The following HECW2 variants were observed in gnomAD, a reference collection of about 807,000 sequenced individuals.
HECW2 encodes HECT, C2 and WW domain containing E3 ubiquitin protein ligase 2.
In HECW2, 61 loss-of-function variants were observed where a neutral mutation model predicts 175.2. That is an observed-to-expected ratio of 0.35 (90% CI 0.28 to 0.43). The LOEUF (loss-of-function observed/expected upper bound fraction) is 0.43. HECW2 is among the 20% of genes least tolerant of loss of function. The pLI, the probability that HECW2 is intolerant of heterozygous loss-of-function variation, is 1.00. For synonymous variants in HECW2, 671 were observed against 731.0 expected, an observed-to-expected ratio of 0.92 and a Z score of 1.32; for missense variants, 1,524 against 2,000.5, an observed-to-expected ratio of 0.76 and a Z score of 4.54.
intron 2 of HECW2, among the ~76,000 whole-genome samples, chr2:196,384,489 G>A (rs1408101392): frequency 6.6e-6 from 1 of 152,096 alleles, no homozygotes; most frequent in Non-Finnish European, 1.5e-5. Flanking sequence ...GGCTGAAGTG[G>A]GAGGATCACT....
At position 196,531,839 on chromosome 2, in the gene HECW2, T is replaced by C. The variant is rs1688850901; in HGVS notation, c.-36+61669A>G. On this transcript the variant is annotated intron_variant, in intron 1 of 28. Transcript: ENST00000644978. Reference sequence around the variant, plus strand: ...ATTGTCTTCTTAGAGAGACTCTCCCTAATCTTGAAGGTCCATTAGATCCCT... The same window carrying C: ...ATTGTCTTCTTAGAGAGACTCTCCCCAATCTTGAAGGTCCATTAGATCCCT... 2.6e-5 allele frequency among the ~76,000 whole-genome samples: 4 copies of C among 152,332 alleles called. No individual in the cohort carries two copies. In the South Asian group the frequency reaches 8.3e-4, roughly 32 times the overall value.
intron 1 of HECW2, among the ~76,000 whole-genome samples, chr2:196,559,386 C>A (rs547282297): frequency 2.6e-5 from 4 of 152,202 alleles, no homozygotes; most frequent in Non-Finnish European, 5.9e-5. Context: ...TCCTTCATCA[C>A]CCCCAATATA....
chr2:196,431,823 C>A (rs1695722123), intron 2 of HECW2, among the ~76,000 whole-genome samples: 1 of 152,174 alleles, frequency 6.6e-6, no homozygotes, highest in Non-Finnish European at 1.5e-5. Flanking sequence ...TTCATTAAAG[C>A]TTTGCCCAGT....
At chr2:196,260,860 A>G (rs574562841) in intron 17 of HECW2, among the ~76,000 whole-genome samples, 1 of 152,264 alleles carries the variant, frequency 6.6e-6, no homozygotes, top group East Asian at 1.9e-4. Context: ...ATTTGCATAC[A>G]TAAGCTCAAG....
intron 13 of HECW2, among the ~76,000 whole-genome samples, chr2:196,298,950 T>C (rs1394533483): frequency 6.6e-6 from 1 of 152,214 alleles, no homozygotes; most frequent in African/African-American, 2.4e-5. Context: ...TTTATAACAT[T>C]TTCTGTTAAT....
At chr2:196,238,424 T>C (rs1051333038) in intron 21 of HECW2, 7 of 146,378 alleles carry the variant, frequency 4.8e-5, no homozygotes, top group Admixed American at 2.8e-4. Flanking sequence ...CTTACTTTTA[T>C]GTAGCTCAAG....
chr2:196,413,052 AT>A (rs1320024975), intron 2 of HECW2, among the ~76,000 whole-genome samples: 1 of 152,182 alleles, frequency 6.6e-6, no homozygotes, highest in Non-Finnish European at 1.5e-5. Context: ...TATATGAAAT[AT>A]GAAATAACAT....
chr2:196,532,750 C>T (rs929606093), intron 1 of HECW2, among the ~76,000 whole-genome samples: 1 of 151,982 alleles, frequency 6.6e-6, no homozygotes, highest in African/African-American at 2.4e-5. Context: ...TATCAACTAC[C>T]TTGCTATCAT....
At chr2:196,418,615 A>G (rs1695323755) in intron 2 of HECW2, among the ~76,000 whole-genome samples, 1 of 152,218 alleles carries the variant, frequency 6.6e-6, no homozygotes, top group Non-Finnish European at 1.5e-5. Flanking sequence ...ACAGATGCAC[A>G]TTTTCGGAAA....
intron 14 of HECW2, among the ~76,000 whole-genome samples, chr2:196,287,849 A>G (rs528575563): frequency 6.6e-6 from 1 of 152,292 alleles, no homozygotes; most frequent in African/African-American, 2.4e-5. Context: ...ATCTCTTTTA[A>G]CCAAACTTCA....
intron 2 of HECW2, among the ~76,000 whole-genome samples, chr2:196,431,968 AC>A (rs1225340042): frequency 6.6e-6 from 1 of 152,240 alleles, no homozygotes; most frequent in African/African-American, 2.4e-5. Flanking sequence ...TAACAATCTA[AC>A]AAAATTTCAG....
intron 28 of HECW2, among the ~76,000 whole-genome samples, chr2:196,204,783 G>C (rs116117695): frequency 0.02 from 3,036 of 152,316 alleles, 44 homozygotes; most frequent in Non-Finnish European, 0.033. Flanking sequence ...GTGATGTTAA[G>C]TGTGATACAG....
At position 196,437,469 on chromosome 2, in the gene HECW2, G is replaced by C. The variant is rs528776873; in HGVS notation, c.-35-4011C>G. 2.0e-5 allele frequency among the ~76,000 whole-genome samples: 3 copies of C among 151,908 alleles called. No individual in the cohort carries two copies. The South Asian group carries it at 6.3e-4, about 32-fold the overall frequency. ...TCCACTAAAAATACAAAAATTAGCT[G>C]GGCATGGTGGAACATGCCTGTAATC... On this transcript the variant is annotated intron_variant, in intron 1 of 28. Transcript: ENST00000644978.
chr2:196,249,897 T>C (rs1245716840), intron 19 of HECW2, among the ~76,000 whole-genome samples: 1 of 152,244 alleles, frequency 6.6e-6, no homozygotes, highest in Non-Finnish European at 1.5e-5. Flanking sequence ...ATATTTGGGT[T>C]ACACAGGTCT....
At chr2:196,487,999 G>A (rs1024293195) in intron 1 of HECW2, among the ~76,000 whole-genome samples, 2 of 152,212 alleles carry the variant, frequency 1.3e-5, no homozygotes, top group African/African-American at 4.8e-5. Context: ...ATTAACAGTT[G>A]AGATAGCTTC....
intron 2 of HECW2, among the ~76,000 whole-genome samples, chr2:196,419,386 C>T (rs574074905): frequency 6.6e-6 from 1 of 152,294 alleles, no homozygotes; most frequent in Admixed American, 6.5e-5. Flanking sequence ...AAAAGACTGG[C>T]ATGTGCACAT....
chr2:196,469,101 C>CTGTGTG (rs150802425), intron 1 of HECW2, among the ~76,000 whole-genome samples: 31 of 130,882 alleles, frequency 2.4e-4, no homozygotes, highest in African/African-American at 8.0e-4. Flanking sequence ...GTCACTGAAC[C>CTGTGTG]TGTGTGTGTG....
intron 1 of HECW2, among the ~76,000 whole-genome samples, chr2:196,535,199 G>T (rs138395227): frequency 6.6e-6 from 1 of 152,256 alleles, no homozygotes; most frequent in African/African-American, 2.4e-5. Context: ...AATCAGTGCT[G>T]TATTCATAAA....
intron 2 of HECW2, among the ~76,000 whole-genome samples, chr2:196,351,722 T>C (rs1007774700): frequency 1.3e-5 from 2 of 152,244 alleles, no homozygotes; most frequent in African/African-American, 4.8e-5. Context: ...ATCTTTTGTA[T>C]ATAAATTGAA....
Sources: gnomAD v4.1 joint callset for allele counts (sites outside exome capture counted in the v4.1 genomes callset) on GRCh38, gnomAD v4.1.1 for gene constraint, MANE v1.5 for transcripts, NCBI Gene and HGNC (gene_info 2026-07-23, HGNC 2026-07-21) for gene names.